KCNE1: variants seen among roughly 807,000 people sequenced by gnomAD.
The protein encoded by KCNE1 is potassium voltage-gated channel subfamily E member 1.
In KCNE1, 1 loss-of-function variant was observed where a neutral mutation model predicts 2.9. That is an observed-to-expected ratio of 0.34 (90% CI 0.12 to 1.62). KCNE1 has a LOEUF of 1.62. KCNE1 is among the 40% of genes most tolerant of loss of function. The pLI is 0.36. For missense variants in KCNE1, 45 were observed against 150.5 expected (o/e 0.30, Z 3.67); for synonymous variants, 23 against 65.4 (o/e 0.35, Z 3.13).
At position 34,449,344 on chromosome 21, in the gene KCNE1, G is replaced by A; in HGVS notation, c.291C>T (p.Ala97=). 6.3e-7 allele frequency: 1 copy of A among 1,590,238 alleles called. No individual in the cohort carries two copies. The highest frequency in any genetic ancestry group is 1.4e-5 in the African/African-American group (1 of 72,198). Residue 97 remains alanine, a synonymous_variant, in exon 4 of 4, where the codon GCC becomes GCT. Transcript: ENST00000399286. ...WQEKDKAYVQ[A]RVLESYRSCY... Reference sequence around the variant, plus strand: ...ACGACCTGTAGCTCTCCAGGACCCGGGCCTGGACATAGGCCTTGTCCTTCT... The same window carrying A: ...ACGACCTGTAGCTCTCCAGGACCCGAGCCTGGACATAGGCCTTGTCCTTCT...
At chr21:34,495,807 G>A (rs1276982049) in intron 2 of KCNE1, among the ~76,000 whole-genome samples, 2 of 151,844 alleles carry the variant, frequency 1.3e-5, no homozygotes, top group Non-Finnish European at 2.9e-5. Context: ...TATCAATTTT[G>A]TTTATCTTTT....
chr21:34,503,445 A>G (rs1477950883), intron 2 of KCNE1, among the ~76,000 whole-genome samples: 1 of 152,152 alleles, frequency 6.6e-6, no homozygotes, highest in African/African-American at 2.4e-5. Context: ...TTGGGTTTTT[A>G]TGGAAGCTTC....
intron 2 of KCNE1, among the ~76,000 whole-genome samples, chr21:34,507,779 T>C (rs993796917): frequency 1.3e-5 from 2 of 152,218 alleles, no homozygotes; most frequent in African/African-American, 4.8e-5. Flanking sequence ...GGCATGCTTC[T>C]GCAAACATTT....
chr21:34,506,537 C>A (rs932153954), intron 2 of KCNE1, among the ~76,000 whole-genome samples: 7 of 152,108 alleles, frequency 4.6e-5, no homozygotes, highest in Admixed American at 6.5e-5. Context: ...ACCTAAGGGA[C>A]AGACCTGGTG....
intron 2 of KCNE1, among the ~76,000 whole-genome samples, chr21:34,508,105 C>A (rs1983610024): frequency 6.6e-6 from 1 of 151,830 alleles, no homozygotes; most frequent in South Asian, 2.1e-4. Context: ...CAGCTCAACA[C>A]AAACTCTGCC....
chr21:34,495,477 TAGA>T (rs1982747109), intron 2 of KCNE1, among the ~76,000 whole-genome samples: 1 of 59,738 alleles, frequency 1.7e-5, no homozygotes, highest in East Asian at 4.2e-4. Context: ...GAATAGCTGA[TAGA>T]ATTTAGCTGT....
chr21:34,501,079 A>G (rs146140678), intron 2 of KCNE1, among the ~76,000 whole-genome samples: 620 of 152,340 alleles, frequency 4.1e-3, no homozygotes, highest in Non-Finnish European at 6.6e-3. Context: ...TTTCTTCAGC[A>G]AAAGTGGGAT....
chr21:34,503,532 G>A (rs1983291676), intron 2 of KCNE1, among the ~76,000 whole-genome samples: 1 of 152,194 alleles, frequency 6.6e-6, no homozygotes, highest in African/African-American at 2.4e-5. Flanking sequence ...CCACCCTGGA[G>A]TTTGGAAGTG....
chr21:34,502,128 GTATCAGAGACC>G (rs1983207814), intron 2 of KCNE1, among the ~76,000 whole-genome samples: 1 of 152,106 alleles, frequency 6.6e-6, no homozygotes, highest in African/African-American at 2.4e-5. Flanking sequence ...TTTGGTCTAT[GTATCAGAGACC>G]TTTCCATCTG....
intron 2 of KCNE1, among the ~76,000 whole-genome samples, chr21:34,509,202 A>G (rs1177329378): frequency 6.6e-6 from 1 of 152,200 alleles, no homozygotes; most frequent in African/African-American, 2.4e-5. Context: ...AACTCACCAG[A>G]GCACATGTAG....
intron 2 of KCNE1, among the ~76,000 whole-genome samples, chr21:34,501,542 C>T (rs1983168069): frequency 6.6e-6 from 1 of 152,208 alleles, no homozygotes; most frequent in Non-Finnish European, 1.5e-5. Context: ...AGTATGATAT[C>T]ATCCCTATTG....
intron 2 of KCNE1, among the ~76,000 whole-genome samples, chr21:34,508,967 G>T (rs955199856): frequency 2.6e-5 from 4 of 152,218 alleles, no homozygotes; most frequent in Non-Finnish European, 4.4e-5. Context: ...AAATGTAGTG[G>T]TATAAAACAA....
At chr21:34,504,530 T>C (rs1428144321) in intron 2 of KCNE1, among the ~76,000 whole-genome samples, 1 of 152,170 alleles carries the variant, frequency 6.6e-6, no homozygotes, top group African/African-American at 2.4e-5. Context: ...AACACAGAGC[T>C]ATCACAGGAC....
At chr21:34,507,256 A>C (rs545152926) in intron 2 of KCNE1, among the ~76,000 whole-genome samples, 21 of 152,268 alleles carry the variant, frequency 1.4e-4, no homozygotes, top group Admixed American at 4.6e-4. Context: ...TAAAGATAGA[A>C]GAGAGAATGG....
rs867747393 is a variant in KCNE1, at chr21:34,506,471, A to T, written c.-162+4630T>A. Among the ~76,000 whole-genome samples, 58 of 152,226 alleles carry T rather than the reference A, an allele frequency of 3.8e-4. 1 individual carries two copies. The highest frequency in any genetic ancestry group is 1.3e-3 in the African/African-American group (54 of 41,540). ...AACACATTACATTGTCTCCACCAAG[A>T]AAAGAGCCCCTGTGAAATATTCATG... On this transcript the variant is annotated intron_variant, in intron 2 of 3. Transcript: ENST00000399286.
chr21:34,509,443 C>CT (rs368907629), intron 2 of KCNE1: 4,312 of 146,392 alleles, frequency 0.029, 208 homozygotes, highest in African/African-American at 0.1. Flanking sequence ...AATCTTCCTT[C>CT]TTTTTTTTTT....
intron 2 of KCNE1, among the ~76,000 whole-genome samples, chr21:34,500,453 C>A (rs184267976): frequency 6.6e-6 from 1 of 152,290 alleles, no homozygotes. Flanking sequence ...GGCCTCATTT[C>A]TTTGTGTGTA....
intron 2 of KCNE1, among the ~76,000 whole-genome samples, chr21:34,506,188 G>T (rs1005558054): frequency 2.0e-5 from 3 of 152,174 alleles, no homozygotes; most frequent in Non-Finnish European, 4.4e-5. Flanking sequence ...TGTCCCCTCT[G>T]TCCCAGCTCT....
At chr21:34,501,165 G>A (rs1311990655) in intron 2 of KCNE1, among the ~76,000 whole-genome samples, 2 of 152,194 alleles carry the variant, frequency 1.3e-5, no homozygotes, top group Non-Finnish European at 2.9e-5. Context: ...TAAAAGAGCT[G>A]ACCATTGGAA....
Sources: gnomAD v4.1 joint callset for allele counts (sites outside exome capture counted in the v4.1 genomes callset) on GRCh38, gnomAD v4.1.1 for gene constraint, MANE v1.5 for transcripts, NCBI Gene and HGNC (gene_info 2026-07-23, HGNC 2026-07-21) for gene names.